Variants in CTBP2 observed in about 807,000 individuals in gnomAD.
CTBP2 encodes the protein C-terminal binding protein 2, also known as C-terminal-binding protein 2.
A neutral mutation model predicts 80.3 loss-of-function variants in CTBP2; 30 were observed. That is an observed-to-expected ratio of 0.37 (90% CI 0.28 to 0.51). The LOEUF (loss-of-function observed/expected upper bound fraction) is 0.51, where lower values mean the gene tolerates loss of function less well. Ranked by LOEUF, CTBP2 falls within the 20% of genes least tolerant of loss-of-function variation. The pLI, the probability that CTBP2 is intolerant of heterozygous loss-of-function variation, is 0.93. For synonymous variants in CTBP2, 594 were observed against 587.4 expected (o/e 1.01, Z -0.16); for missense variants, 1,212 against 1,375.3 (o/e 0.88, Z 1.88).
intron 1 of CTBP2, among the ~76,000 whole-genome samples, chr10:125,018,557 A>C (rs11245466): frequency 0.11 from 6,953 of 64,206 alleles, 206 homozygotes; most frequent in Middle Eastern, 0.16. Context: ...ACCAACCAAC[A>C]AACAAACAAA....
chr10:125,155,652 T>G (rs1315409791), intron 1 of CTBP2, among the ~76,000 whole-genome samples: 3 of 151,598 alleles, frequency 2.0e-5, no homozygotes, highest in Non-Finnish European at 4.4e-5. Flanking sequence ...TAGCAATTAT[T>G]AAATATAATT....
In CTBP2 at chr10:125,027,138, T is replaced by G. The variant is rs1461402343; in HGVS notation, c.622A>C (p.Ser208Arg). 1 of 1,604,384 alleles carries G rather than the reference T, an allele frequency of 6.2e-7. No individual in the cohort carries two copies. The highest frequency in any genetic ancestry group is 1.7e-5 in the Admixed American group (1 of 59,648). The stretch of plus-strand genomic sequence containing the variant: ...TCGCTGATGTCGCTGAAGACCTGGC[T>G]GAGGGGGTAGGCAGGCACCTCCGCC... Residue 208 changes from serine to arginine, a missense_variant, in exon 1 of 9, where the codon AGC becomes CGC. By Grantham distance (110) the Ser-to-Arg change is moderately radical. This residue lies in a region of CTBP2 where 848 missense variants were observed against 782.3 expected (regional missense o/e 1.08). Transcript: ENST00000309035.
At chr10:125,057,917 T>A (rs1360067378) in intron 2 of CTBP2, among the ~76,000 whole-genome samples, 1 of 152,096 alleles carries the variant, frequency 6.6e-6, no homozygotes, top group African/African-American at 2.4e-5. Context: ...CCACTTCCTG[T>A]CCACAGGCCC....
chr10:125,039,190 A>G, intron 2 of CTBP2, 35 bp from the exon 3 acceptor site: 1 of 730,452 alleles, frequency 1.4e-6, no homozygotes, highest in Non-Finnish European at 2.2e-6. Context: ...TACTCTCTGG[A>G]GACCCTCTGG....
chr10:125,008,169 C>T (rs984424152), intron 1 of CTBP2, among the ~76,000 whole-genome samples: 3 of 152,234 alleles, frequency 2.0e-5, no homozygotes, highest in Non-Finnish European at 1.5e-5. Context: ...TGGCTTCGAA[C>T]CCCTGACCTC....
At chr10:125,155,554 T>G (rs952562399) in intron 1 of CTBP2, among the ~76,000 whole-genome samples, 4 of 152,166 alleles carry the variant, frequency 2.6e-5, no homozygotes, top group African/African-American at 9.7e-5. Context: ...TGAATATCAT[T>G]AGAGTCACAC....
At chr10:125,079,682 C>G (rs968279034) in intron 2 of CTBP2, among the ~76,000 whole-genome samples, 1 of 152,206 alleles carries the variant, frequency 6.6e-6, no homozygotes, top group African/African-American at 2.4e-5. Flanking sequence ...CCTATTCCCA[C>G]AGGAAAATGT....
chr10:125,060,665 G>C (rs950584578), intron 2 of CTBP2, among the ~76,000 whole-genome samples: 1 of 152,258 alleles, frequency 6.6e-6, no homozygotes, highest in African/African-American at 2.4e-5. Flanking sequence ...ATGCGGAAGA[G>C]GGATTGGGTG....
intron 1 of CTBP2, chr10:125,159,954 GT>G (rs1254811024): frequency 6.8e-6 from 1 of 146,670 alleles, no homozygotes; most frequent in East Asian, 1.9e-4. Flanking sequence ...CGCGCTCGGG[GT>G]TTCTTTTTTT....
At chr10:124,991,211 CCA>C (rs1397669046) in intron 8 of CTBP2, among the ~76,000 whole-genome samples, 1 of 152,210 alleles carries the variant, frequency 6.6e-6, no homozygotes, top group Non-Finnish European at 1.5e-5. Flanking sequence ...GACTTATCAT[CCA>C]TCCAGGTAGA....
At chr10:125,011,196 T>C (rs76779889) in intron 1 of CTBP2, among the ~76,000 whole-genome samples, 1,592 of 152,294 alleles carry the variant, frequency 0.01, 11 homozygotes, top group Non-Finnish European at 0.017. Context: ...GGAACCTAGT[T>C]TTAAGCTACT....
intron 1 of CTBP2, among the ~76,000 whole-genome samples, chr10:125,023,551 C>A (rs1380707280): frequency 3.3e-5 from 5 of 152,174 alleles, no homozygotes; most frequent in Non-Finnish European, 5.9e-5. Context: ...CGACAGCCGA[C>A]CCCACCACCT....
intron 1 of CTBP2, among the ~76,000 whole-genome samples, chr10:125,154,445 T>C (rs527850506): frequency 1.6e-4 from 24 of 152,314 alleles, no homozygotes; most frequent in Admixed American, 6.5e-4. Flanking sequence ...CAATTCTCTA[T>C]AGAAACAAAA....
chr10:125,042,501 T>G (rs1455390098), intron 2 of CTBP2, among the ~76,000 whole-genome samples: 2 of 152,236 alleles, frequency 1.3e-5, no homozygotes, highest in Admixed American at 1.3e-4. Flanking sequence ...TGTTTCACTA[T>G]TCCACTTCTG....
At chr10:125,043,994 C>CT (rs1384840348) in intron 2 of CTBP2, among the ~76,000 whole-genome samples, 3 of 152,236 alleles carry the variant, frequency 2.0e-5, no homozygotes, top group Admixed American at 6.5e-5. Context: ...CCAAAGTTCT[C>CT]TGAGTGTGTC....
rs1952131135 is a variant in CTBP2, at chr10:124,988,262, A to G, written c.*1256T>C. On this transcript the variant is annotated 3_prime_UTR_variant, in exon 9 of 9. Transcript: ENST00000309035. ...AGAGCTGGAAATTGGCTAATTGACA[A>G]TGCAATTGCCTTAAACATCTCAAGT... The G allele has an allele frequency of 1.3e-5, 2 of 152,688 alleles. No homozygotes were observed. Among genetic ancestry groups the G allele is most frequent in the African/African-American group, 2.4e-5 (1 of 41,474 alleles). 9.5% of individuals were successfully genotyped at this position (152,688 alleles called of 1,614,324 possible). A position where few individuals can be genotyped will look rare whatever the true frequency, so the allele number is the denominator to read the frequency against.
intron 3 of CTBP2, chr10:125,000,710 G>A (rs1410468088): frequency 2.6e-5 from 4 of 152,272 alleles, no homozygotes; most frequent in African/African-American, 9.6e-5. Context: ...GAGGCCTAGT[G>A]TGCTGCCTCG....
intron 2 of CTBP2, among the ~76,000 whole-genome samples, chr10:125,098,750 CAGAGAGAGAGAGAGAG>C (rs1265217140): frequency 2.6e-5 from 2 of 75,482 alleles, no homozygotes; most frequent in Non-Finnish European, 2.4e-5. Context: ...GAGAGAGAGA[CAGAGAGAGAGAGAGAG>C]AGAGAGAGAG....
intron 1 of CTBP2, among the ~76,000 whole-genome samples, chr10:125,145,236 C>A (rs1287598088): frequency 6.6e-6 from 1 of 152,150 alleles, no homozygotes; most frequent in East Asian, 1.9e-4. Context: ...CAGTTTCGGG[C>A]TGGCTGCATC....
Sources: allele counts gnomAD v4.1 joint callset (sites outside exome capture counted in the v4.1 genomes callset), GRCh38; gene constraint gnomAD v4.1.1; regional missense constraint gnomAD v4.1.1; transcripts MANE v1.5; gene names NCBI Gene and HGNC (gene_info 2026-07-23, HGNC 2026-07-21).